Variants in DENND1B observed in about 807,000 individuals in gnomAD.
DENND1B encodes the protein DENN domain-containing protein 1B.
Under a neutral mutation model 90.1 loss-of-function variants are expected in DENND1B, and 59 were observed. The ratio of observed to expected loss-of-function variants is 0.65; its 90% confidence interval spans 0.53 to 0.81. DENND1B has a LOEUF of 0.81. DENND1B is among the 40% of genes least tolerant of loss of function. DENND1B has a pLI of 0.00. For missense variants in DENND1B, 862 were observed against 912.6 expected, an observed-to-expected ratio of 0.94 and a Z score of 0.71; for synonymous variants, 337 against 324.6, an observed-to-expected ratio of 1.04 and a Z score of -0.41.
rs116661562 is a variant in DENND1B, at chr1:197,737,695, T to C, written c.83-22621A>G. Reference sequence around the variant, plus strand: ...GACAAGAAAAACATTCACATAGGTATCCAGGATCTAATTTACTACAGGTAG... The same window carrying C: ...GACAAGAAAAACATTCACATAGGTACCCAGGATCTAATTTACTACAGGTAG... On this transcript the variant is annotated intron_variant, in intron 2 of 22. Transcript: ENST00000620048. Among the ~76,000 whole-genome samples the C allele has an allele frequency of 4.6e-3, 695 of 152,318 alleles. 4 individuals carry two copies. The highest frequency in any genetic ancestry group is 8.0e-3 in the Non-Finnish European group (547 of 68,030).
chr1:197,753,335 A>G (rs1169921391), intron 2 of DENND1B, among the ~76,000 whole-genome samples: 1 of 152,078 alleles, frequency 6.6e-6, no homozygotes, highest in Non-Finnish European at 1.5e-5. Context: ...AAAAATTAAA[A>G]AAGGGAAATA....
At chr1:197,549,919 G>A (rs776677845) in intron 16 of DENND1B, among the ~76,000 whole-genome samples, 3 of 152,122 alleles carry the variant, frequency 2.0e-5, no homozygotes, top group Non-Finnish European at 4.4e-5. Context: ...GAATCTAGAT[G>A]TTCCTTATCT....
chr1:197,569,084 G>A (rs1672928506), intron 15 of DENND1B, among the ~76,000 whole-genome samples: 1 of 151,738 alleles, frequency 6.6e-6, no homozygotes. Flanking sequence ...AAATTAATAA[G>A]AAAATAAATA....
chr1:197,677,570 G>A (rs1050935515), intron 3 of DENND1B, among the ~76,000 whole-genome samples: 1 of 152,070 alleles, frequency 6.6e-6, no homozygotes, highest in African/African-American at 2.4e-5. Context: ...TCTTGCTCCA[G>A]ATGTTCTCAA....
chr1:197,668,218 T>C (rs1655136342), intron 5 of DENND1B, among the ~76,000 whole-genome samples: 1 of 152,170 alleles, frequency 6.6e-6, no homozygotes, highest in African/African-American at 2.4e-5. Flanking sequence ...TGTATGTTTT[T>C]CTTAATAGCA....
chr1:197,529,324 GTA>G (rs200694219), intron 20 of DENND1B, among the ~76,000 whole-genome samples: 1,883 of 147,566 alleles, frequency 0.013, 48 homozygotes, highest in African/African-American at 0.042. Flanking sequence ...ATATATGTGT[GTA>G]TATATATGTG....
chr1:197,698,643 TTTAAA>T (rs1228401911), intron 3 of DENND1B, among the ~76,000 whole-genome samples: 2 of 151,530 alleles, frequency 1.3e-5, no homozygotes, highest in African/African-American at 4.8e-5. Flanking sequence ...TGTTTTTTTC[TTTAAA>T]TTAACAAAAC....
rs139214348 is a variant in DENND1B at position 197,607,095 on chromosome 1, A to C, written c.899T>G (p.Leu300Trp). ...TACCACATCACTTGGTAGGTTGTTC[A>C]AGTCACTAAATGGTGATTCTAATGT... is the stretch of plus-strand genomic sequence containing the variant. ...TNTLESPFSD[L>W]NNLPSDVVSA... is the part of the protein sequence containing the mutation. Residue 300 changes from leucine to tryptophan, a missense_variant, in exon 13 of 23, where the codon TTG becomes TGG. Leu to Trp is a moderately conservative substitution (Grantham distance 61, BLOSUM62 -2). Transcript: ENST00000620048. 3.9e-5 allele frequency: 62 copies of C among 1,606,024 alleles called. No individual in the cohort carries two copies. The highest frequency in any genetic ancestry group is 4.9e-5 in the Non-Finnish European group (58 of 1,174,950).
At chr1:197,641,087 C>T (rs75568648) in intron 10 of DENND1B, among the ~76,000 whole-genome samples, 1,611 of 152,282 alleles carry the variant, frequency 0.011, 35 homozygotes, top group African/African-American at 0.037. Context: ...TTTGTTTGCT[C>T]ACTTGTTTAC....
intron 2 of DENND1B, among the ~76,000 whole-genome samples, chr1:197,759,742 C>T (rs77884508): frequency 2.6e-5 from 1 of 38,154 alleles, no homozygotes; most frequent in African/African-American, 1.1e-4. Flanking sequence ...GACTCCGTCT[C>T]AAAAAAAAAA....
chr1:197,595,425 A>G, intron 13 of DENND1B, 92 bp from the exon 14 acceptor site: 1 of 1,475,328 alleles, frequency 6.8e-7, no homozygotes, highest in Non-Finnish European at 9.1e-7. Flanking sequence ...CAGTGTCTGT[A>G]GGTCAGCCAA....
At chr1:197,573,999 T>G (rs946676838) in intron 15 of DENND1B, among the ~76,000 whole-genome samples, 1 of 152,162 alleles carries the variant, frequency 6.6e-6, no homozygotes, top group African/African-American at 2.4e-5. Context: ...TCGTACTGAA[T>G]GGGCAAAAAC....
intron 17 of DENND1B, 80 bp downstream of exon 17, chr1:197,546,653 A>AT: frequency 8.7e-7 from 1 of 1,144,386 alleles, no homozygotes; most frequent in Non-Finnish European, 1.2e-6. Context: ...AAACAGCATA[A>AT]GTATAAACAG....
intron 10 of DENND1B, among the ~76,000 whole-genome samples, chr1:197,618,102 T>C (rs1677823659): frequency 6.6e-6 from 1 of 151,226 alleles, no homozygotes; most frequent in South Asian, 2.1e-4. Flanking sequence ...TTGTACAGCA[T>C]AGTTTGTGTA....
intron 7 of DENND1B, among the ~76,000 whole-genome samples, chr1:197,651,085 C>T (rs201830402): frequency 1.3e-5 from 2 of 151,992 alleles, no homozygotes; most frequent in East Asian, 3.9e-4. Flanking sequence ...ATAAAGATAA[C>T]AACTTCCCTG....
intron 2 of DENND1B, 83 bp downstream of exon 2, chr1:197,772,785 A>C (rs947652077): frequency 4.6e-5 from 57 of 1,233,924 alleles, no homozygotes; most frequent in Non-Finnish European, 6.2e-5. Context: ...TGATCATGCC[A>C]CTGCACAGCC....
chr1:197,507,876 T>G lies in DENND1B; in HGVS notation c.*2584A>C, dbSNP rs1667800310. 6.6e-6 allele frequency: 1 copy of G among 151,720 alleles called. No individual in the cohort carries two copies. The highest frequency in any genetic ancestry group is 1.5e-5 in the Non-Finnish European group (1 of 67,766). 9.4% of individuals were successfully genotyped at this position (151,720 alleles called of 1,614,324 possible). On this transcript the variant is annotated 3_prime_UTR_variant, in exon 23 of 23. Transcript: ENST00000620048. The stretch of plus-strand genomic sequence containing the variant: ...GAAATACAAATACTTGGTAGTATTA[T>G]TCTGGATGTTTTTAAAGAATAACAT...
intron 6 of DENND1B, among the ~76,000 whole-genome samples, chr1:197,657,170 A>G (rs1653923673): frequency 6.6e-6 from 1 of 152,212 alleles, no homozygotes; most frequent in Non-Finnish European, 1.5e-5. Context: ...CAAATCATCT[A>G]TCTAATAAGA....
Position 197,642,723 on chromosome 1 carries a change from G to A in DENND1B, c.660C>T (p.Ser220=), listed in dbSNP as rs1048145491. Residue 220 remains serine, a synonymous_variant, in exon 10 of 23, where the codon AGC becomes AGT. Transcript: ENST00000620048. ...LHERRIVIIS[S]KLSTLTACIH... is the part of the protein sequence containing the mutation. The stretch of plus-strand genomic sequence containing the variant: ...GTGAAGTACTTACAGTGCTTAATTT[G>A]CTCGAGATAATCACGATGCGCCTTT... 4 of 1,612,494 alleles carry A rather than the reference G, an allele frequency of 2.5e-6. No homozygotes were observed. The highest frequency in any genetic ancestry group is 2.2e-5 in the East Asian group (1 of 44,816).
Sources: gnomAD v4.1 joint callset for allele counts (sites outside exome capture counted in the v4.1 genomes callset) on GRCh38, gnomAD v4.1.1 for gene constraint, MANE v1.5 for transcripts, NCBI Gene and HGNC (gene_info 2026-07-23, HGNC 2026-07-21) for gene names.